PTGIS: variants seen among roughly 807,000 people sequenced by gnomAD.
PTGIS encodes prostaglandin I2 synthase, also known as prostacyclin synthase.
PTGIS carries 45 observed loss-of-function variants against 50.3 expected under a neutral mutation model. The ratio of observed to expected loss-of-function variants is 0.90; its 90% CI spans 0.70 to 1.15. The LOEUF is 1.15. Ranked by LOEUF, PTGIS falls within the 50% of genes most tolerant of loss-of-function variation. PTGIS has a pLI of 0.00. For synonymous variants in PTGIS, 260 were observed against 267.7 expected, an observed-to-expected ratio of 0.97 and a Z score of 0.28; for missense variants, 668 against 661.3, an observed-to-expected ratio of 1.01 and a Z score of -0.11.
At chr20:49,549,050 G>C (rs1345066234) in intron 2 of PTGIS, among the ~76,000 whole-genome samples, 1 of 152,138 alleles carries the variant, frequency 6.6e-6, no homozygotes, top group Non-Finnish European at 1.5e-5. Flanking sequence ...GATATAAATA[G>C]ATGTATATCC....
intron 6 of PTGIS, among the ~76,000 whole-genome samples, chr20:49,523,857 C>T (rs1044761198): frequency 8.5e-5 from 13 of 152,238 alleles, no homozygotes; most frequent in Non-Finnish European, 1.9e-4. Context: ...AGTCAGGGAA[C>T]TGGTTTGGGC....
intron 5 of PTGIS, among the ~76,000 whole-genome samples, chr20:49,529,667 C>T (rs893613269): frequency 2.6e-5 from 4 of 152,150 alleles, no homozygotes; most frequent in Admixed American, 2.0e-4. Context: ...TCCCTCTGTC[C>T]GGTGTATCCA....
intron 1 of PTGIS, among the ~76,000 whole-genome samples, chr20:49,560,508 G>T (rs1009524723): frequency 2.6e-5 from 4 of 152,136 alleles, no homozygotes; most frequent in South Asian, 2.1e-4. Context: ...CAGCCCAAAA[G>T]GGTGAACTAA....
chr20:49,558,597 T>G (rs1262846825), intron 1 of PTGIS, among the ~76,000 whole-genome samples: 2 of 152,190 alleles, frequency 1.3e-5, no homozygotes, highest in Non-Finnish European at 2.9e-5. Context: ...ATGTATACAC[T>G]ATTATTCGTA....
At chr20:49,512,622 T>A (rs1008563219) in intron 8 of PTGIS, among the ~76,000 whole-genome samples, 1 of 152,198 alleles carries the variant, frequency 6.6e-6, no homozygotes, top group Non-Finnish European at 1.5e-5. Context: ...TCTCAAAGTC[T>A]GGGGCAAGGC....
chr20:49,548,383 G>A (rs1375262394), intron 2 of PTGIS, among the ~76,000 whole-genome samples: 1 of 152,212 alleles, frequency 6.6e-6, no homozygotes, highest in Non-Finnish European at 1.5e-5. Context: ...CATATCTCCA[G>A]TAGCCAGGAG....
At chr20:49,511,674 T>C in intron 8 of PTGIS, among the ~76,000 whole-genome samples, 1 of 152,220 alleles carries the variant, frequency 6.6e-6, no homozygotes, top group Non-Finnish European at 1.5e-5. Context: ...AAAAAGAAAA[T>C]GCCAATTTCC....
intron 5 of PTGIS, among the ~76,000 whole-genome samples, chr20:49,538,642 T>C: frequency 6.6e-6 from 1 of 151,840 alleles, no homozygotes; most frequent in South Asian, 2.1e-4. Context: ...GCATAAAATG[T>C]TTAGATCCAC....
At chr20:49,510,338 T>C (rs1981280541) in intron 9 of PTGIS, among the ~76,000 whole-genome samples, 1 of 152,152 alleles carries the variant, frequency 6.6e-6, no homozygotes, top group Non-Finnish European at 1.5e-5. Flanking sequence ...AATAATGATA[T>C]TAACAATTAT....
rs75016648 is a variant in PTGIS, at chr20:49,566,538, G to A, written c.74+1505C>T. ...ATTGACTACACAGTTGTAAATTTCA[G>A]CTGAAAAGATGTCTGGAGGTTGAAG... On this transcript the variant is annotated intron_variant, in intron 1 of 9. Transcript: ENST00000244043. 7.4e-3 allele frequency among the ~76,000 whole-genome samples: 1,128 copies of A among 152,278 alleles called. 14 individuals are homozygous for A. Among genetic ancestry groups the A allele is most frequent in the African/African-American group, 0.025 (1,058 of 41,556 alleles).
intron 8 of PTGIS, 87 bp downstream of exon 8, chr20:49,512,993 C>G: frequency 1.3e-6 from 2 of 1,519,158 alleles, no homozygotes; most frequent in Non-Finnish European, 1.8e-6. Flanking sequence ...AAGAGCAGAG[C>G]CAGGCTGCCA....
chr20:49,526,337 C>G lies in PTGIS; in HGVS notation c.674-2098G>C, dbSNP rs116818271. On this transcript the variant is annotated intron_variant, in intron 5 of 9. Transcript: ENST00000244043. ...TTAACACAGCTTTAGAAATAACTGG[C>G]ATTCTTTGAAGTCTGACCACACAAC... Among the ~76,000 whole-genome samples the G allele has an allele frequency of 6.2e-3, 937 of 151,802 alleles. 12 individuals are homozygous for G. Among genetic ancestry groups the G allele is most frequent in the African/African-American group, 0.022 (895 of 41,066 alleles).
rs1336781230 is a variant in PTGIS, at chr20:49,539,615, G to T, written c.628C>A (p.Leu210Ile). ...SADVFHTFRQ[L>I]DRLLPKLARG... ...GCCAGTTTGGGGAGCAGCCGGTCGA[G>T]CTGGCGAAAGGTGTGGAAGACATCA... Residue 210 changes from leucine (L) to isoleucine (I), a missense_variant, in exon 5 of 10, where the codon CTC becomes ATC. Physicochemically the swap from Leu to Ile is conservative, Grantham distance 5 (BLOSUM62 2). Coordinates refer to ENST00000244043, the MANE Select transcript of PTGIS (RefSeq NM_000961.4). 1.9e-6 allele frequency: 3 copies of T among 1,614,058 alleles called. No homozygotes were observed. The highest frequency in any genetic ancestry group is 2.5e-6 in the Non-Finnish European group (3 of 1,180,006).
chr20:49,527,726 T>C (rs1221941612), intron 5 of PTGIS, among the ~76,000 whole-genome samples: 2 of 152,216 alleles, frequency 1.3e-5, no homozygotes, highest in Non-Finnish European at 2.9e-5. Flanking sequence ...AATTATACAA[T>C]TAAAATGGTT....
At chr20:49,511,496 A>G (rs1003358863) in intron 8 of PTGIS, among the ~76,000 whole-genome samples, 1 of 152,208 alleles carries the variant, frequency 6.6e-6, no homozygotes, top group Admixed American at 6.5e-5. Flanking sequence ...AGCCATGAAA[A>G]CAATTCGCAA....
At chr20:49,543,083 T>C (rs1982271101) in intron 4 of PTGIS, among the ~76,000 whole-genome samples, 1 of 152,164 alleles carries the variant, frequency 6.6e-6, no homozygotes. Flanking sequence ...TTTTTTAAAT[T>C]AAATTTAAAT....
Position 49,550,049 on chromosome 20 carries a change from G to C in PTGIS, c.198+17C>G, listed in dbSNP as rs758867574. ...GCTGCTCATCCCCATCCCTCCCGAG[G>C]CACAAGAGGCACTTACAGTAAAGAT... is the stretch of plus-strand genomic sequence containing the variant. On this transcript the variant is annotated intron_variant, in intron 2 of 9. Coordinates refer to ENST00000244043, the MANE Select transcript of PTGIS (RefSeq NM_000961.4). 15 of 1,613,940 alleles carry C rather than the reference G, an allele frequency of 9.3e-6. No individual in the cohort carries two copies. The Admixed American group carries it at 2.2e-4, about 23-fold the overall frequency.
At chr20:49,552,428 A>T (rs8121473) in intron 1 of PTGIS, among the ~76,000 whole-genome samples, 6,117 of 152,166 alleles carry the variant, frequency 0.04, 349 homozygotes, top group African/African-American at 0.13. Flanking sequence ...AATCCTACAG[A>T]AGATTTCTAT....
chr20:49,527,582 G>A (rs1261814011), intron 5 of PTGIS, among the ~76,000 whole-genome samples: 3 of 152,152 alleles, frequency 2.0e-5, no homozygotes, highest in African/African-American at 4.8e-5. Flanking sequence ...TAGAAGATAT[G>A]TCGGGCTGGG....
Sources: allele counts gnomAD v4.1 joint callset (sites outside exome capture counted in the v4.1 genomes callset), GRCh38; gene constraint gnomAD v4.1.1; transcripts MANE v1.5; gene names NCBI Gene and HGNC (gene_info 2026-07-23, HGNC 2026-07-21).